AASDH: variants seen among roughly 807,000 people sequenced by gnomAD.
The protein encoded by AASDH is aminoadipate-semialdehyde dehydrogenase, also known as beta-alanine-activating enzyme.
In AASDH, 81 loss-of-function variants were observed where a neutral mutation model predicts 102.3. The observed-to-expected ratio is 0.79, with a 90% CI of 0.66 to 0.95. The LOEUF is 0.95. Among genes scored for constraint, AASDH ranks in the 40% least tolerant of loss-of-function variants. The pLI, the probability that AASDH is intolerant of heterozygous loss-of-function variation, is 0.00. For missense variants in AASDH, 1,203 were observed against 1,266.2 expected (o/e 0.95, Z 0.76); for synonymous variants, 398 against 454.0 (o/e 0.88, Z 1.57).
In AASDH at chr4:56,354,161, C is replaced by A; in HGVS notation, c.1261G>T (p.Gly421Cys). The change falls in exon 8 of 15, where the codon GGC becomes TGC. Residue 421 changes from glycine to cysteine, a missense_variant. Transcript: ENST00000205214. The part of the protein sequence containing the change: ...FLDDEVTVPL[G>C]TMRATGDFVT... The stretch of plus-strand genomic sequence containing the variant: ...AAGTCTCCTGTAGCTCGCATTGTGC[C>A]AAGTGGTACTGTCACTTCATCATCA... 1 of 1,610,480 alleles carries A rather than the reference C, an allele frequency of 6.2e-7. No individual in the cohort carries two copies.
At chr4:56,344,083 TTCTC>T (rs1009109254) in intron 12 of AASDH, among the ~76,000 whole-genome samples, 5 of 152,174 alleles carry the variant, frequency 3.3e-5, no homozygotes, top group East Asian at 1.9e-4. Context: ...CATAAATAAT[TTCTC>T]TCTCTACCTT....
chr4:56,354,177 T>C lies in AASDH; in HGVS notation c.1245A>G (p.Glu415=). ...GRNRVCFLDD[E]VTVPLGTMRA... ...GCATTGTGCCAAGTGGTACTGTCACTTCATCATCAAGAAAACACACTCTGT... is the reference window on the plus strand; with the variant it reads ...GCATTGTGCCAAGTGGTACTGTCACCTCATCATCAAGAAAACACACTCTGT... The change falls in exon 8 of 15, where the codon GAA becomes GAG. Residue 415 remains glutamate (E), a synonymous_variant. Coordinates refer to ENST00000205214, the MANE Select transcript of AASDH (RefSeq NM_181806.4). 1 of 1,596,332 alleles carries C rather than the reference T, an allele frequency of 6.3e-7. No individual in the cohort carries two copies.
At position 56,338,724 on chromosome 4, in the gene AASDH, A is replaced by AT. The variant is rs1373450456; in HGVS notation, c.2974dup (p.Ile992AsnfsTer7). 1 of 1,614,176 alleles carries AT rather than the reference A, an allele frequency of 6.2e-7. No homozygotes were observed. The highest frequency in any genetic ancestry group is 1.1e-5 in the South Asian group (1 of 91,082). ...AAAGCAATCATGGGAACCAAAAAATATTTTTTGCTCTGATGGTGAGGTACA... is the reference window on the plus strand; with the variant it reads ...AAAGCAATCATGGGAACCAAAAAATATTTTTTTGCTCTGATGGTGAGGTACA... On this transcript the variant is annotated frameshift_variant, in exon 15 of 15. Transcript: ENST00000205214. LOFTEE classifies it low-confidence loss of function (END_TRUNC).
rs182014329 is a variant in AASDH at position 56,378,833 on chromosome 4, G to T, written c.352-369C>A. 1.2e-3 allele frequency among the ~76,000 whole-genome samples: 173 copies of T among 148,254 alleles called. 1 individual carries two copies. Among genetic ancestry groups the T allele is most frequent in the African/African-American group, 4.0e-3 (162 of 40,230 alleles). ...TTCTTTTTTTTTTTCTTGAGACAGGGTCTCACTCTGTTGCCCAGGCTGGAG... is the reference window on the plus strand; with the variant it reads ...TTCTTTTTTTTTTTCTTGAGACAGGTTCTCACTCTGTTGCCCAGGCTGGAG... On this transcript the variant is annotated intron_variant, in intron 3 of 14. Transcript: ENST00000205214.
rs944080207 is a variant in AASDH at position 56,342,935 on chromosome 4, C to G, written c.2807G>C (p.Cys936Ser). 1.3e-6 allele frequency: 2 copies of G among 1,592,076 alleles called. No individual in the cohort carries two copies. Among genetic ancestry groups the G allele is most frequent in the African/African-American group, 1.3e-5 (1 of 74,198 alleles). The change falls in exon 14 of 15, where the codon TGT becomes TCT. Residue 936 changes from cysteine (C) to serine (S), a missense_variant. Cys to Ser is a moderately radical substitution (Grantham distance 112). Transcript: ENST00000205214. ...ATGNVIWKHSCGKPLFSSPQC... is the reference protein window; with the variant it reads ...ATGNVIWKHSSGKPLFSSPQC... ...TGGGGAAGAGAAGAGTGGTTTTCCACAGGAATGTTTCCAAATAACGTTCCC... is the reference window on the plus strand; with the variant it reads ...TGGGGAAGAGAAGAGTGGTTTTCCAGAGGAATGTTTCCAAATAACGTTCCC...
At chr4:56,350,663 T>G (rs1378151311) in intron 10 of AASDH, among the ~76,000 whole-genome samples, 1 of 152,044 alleles carries the variant, frequency 6.6e-6, no homozygotes, top group Admixed American at 6.6e-5. Flanking sequence ...TTATTAATTA[T>G]AAAGCCCACA....
intron 2 of AASDH, 131 bp downstream of exon 2, chr4:56,383,939 A>C (rs1215074534): frequency 3.0e-5 from 18 of 605,954 alleles, no homozygotes; most frequent in Non-Finnish European, 5.0e-5. Context: ...AAACTTCTTT[A>C]GTCTCTCTAC....
intron 5 of AASDH, among the ~76,000 whole-genome samples, chr4:56,368,550 T>C (rs1193232718): frequency 2.0e-5 from 3 of 151,906 alleles, no homozygotes; most frequent in South Asian, 2.1e-4. Flanking sequence ...TAAAAAATGA[T>C]GAGTTCATGT....
rs1747113773 is a variant in AASDH at position 56,338,382 on chromosome 4, C to CAAAT, written c.*16_*19dup. ...TTTCAAATATCTCACATTTGTTATA[C>CAAAT]AAATAAGGACTGTATTTGATTATTT... On this transcript the variant is annotated 3_prime_UTR_variant, in exon 15 of 15. Transcript: ENST00000205214. 1 of 1,599,452 alleles carries CAAAT rather than the reference C, an allele frequency of 6.3e-7. No homozygotes were observed. Among genetic ancestry groups the CAAAT allele is most frequent in the Non-Finnish European group, 8.5e-7 (1 of 1,173,468 alleles).
chr4:56,344,540 A>C (rs1011443818), intron 12 of AASDH, among the ~76,000 whole-genome samples: 7 of 152,110 alleles, frequency 4.6e-5, no homozygotes, highest in African/African-American at 1.7e-4. Flanking sequence ...TATAAATATA[A>C]ATGAATTTCC....
Position 56,386,799 on chromosome 4 carries a change from C to CAAAAAAA in AASDH, c.-43+556_-43+562dup, listed in dbSNP as rs386400124. On this transcript the variant is annotated intron_variant, in intron 1 of 14. Coordinates refer to ENST00000205214, the MANE Select transcript of AASDH (RefSeq NM_181806.4). ...TGGGCGACAGAGCGAGACTCCGTCT[C>CAAAAAAA]AAAAAAAAAAAAAAAAAAAAAAAGG... Among the ~76,000 whole-genome samples the CAAAAAAA allele has an allele frequency of 1.9e-3, 92 of 48,800 alleles. 1 individual carries two copies. Among genetic ancestry groups the CAAAAAAA allele is most frequent in the East Asian group, 8.3e-3 (11 of 1,324 alleles). 32.0% of individuals were successfully genotyped at this position (48,800 alleles called of 152,430 possible). A position where few individuals can be genotyped will look rare whatever the true frequency, so the allele number is the denominator to read the frequency against.
Position 56,354,811 on chromosome 4 carries a change from T to A in AASDH, c.1104A>T (p.Lys368Asn), listed in dbSNP as rs144290821. ...ATCCCAGTTGTACAGGCAATTCACA[T>A]CTATGAAAATAAGATACAGAGCAGA... is the stretch of plus-strand genomic sequence containing the variant. Reference protein sequence around the residue: ...IPEKTLNSTLKCELPVQLGFP... With the variant: ...IPEKTLNSTLNCELPVQLGFP... Residue 368 changes from lysine (K) to asparagine (N), a missense_variant and splice_region_variant, in exon 7 of 15, where the codon AAA becomes AAT. By Grantham distance (94) the Lys-to-Asn change is moderately conservative. Coordinates refer to ENST00000205214, the MANE Select transcript of AASDH (RefSeq NM_181806.4). The A allele has an allele frequency of 5.6e-5, 89 of 1,591,832 alleles. 1 individual carries two copies. The highest frequency in any genetic ancestry group is 3.3e-4 in the Admixed American group (18 of 55,362).
intron 5 of AASDH, among the ~76,000 whole-genome samples, chr4:56,366,026 G>A (rs1005811011): frequency 6.6e-6 from 1 of 152,070 alleles, no homozygotes; most frequent in African/African-American, 2.4e-5. Flanking sequence ...AATAAAAAAT[G>A]ACAAAGGGGA....
chr4:56,374,541 C>G (rs1752136455), intron 4 of AASDH, among the ~76,000 whole-genome samples: 2 of 152,140 alleles, frequency 1.3e-5, no homozygotes, highest in African/African-American at 4.8e-5. Context: ...AGAAAGACCA[C>G]TGCACCTGCA....
chr4:56,354,076 C>T lies in AASDH; in HGVS notation c.1346G>A (p.Arg449His), dbSNP rs936980168. ...FLGRKDSQIK[R>H]HGKRLNIELV... is the part of the protein sequence containing the mutation. ...TTCAATGTTAAGACGTTTGCCATGA[C>T]GTTTGATCTGACTGTCTTTTCGTCC... Residue 449 changes from arginine to histidine, a missense_variant, in exon 8 of 15, where the codon CGT becomes CAT. Transcript: ENST00000205214. 9.3e-6 allele frequency: 15 copies of T among 1,612,632 alleles called. No homozygotes were observed. Among genetic ancestry groups the T allele is most frequent in the South Asian group, 5.5e-5 (5 of 90,848 alleles).
intron 5 of AASDH, among the ~76,000 whole-genome samples, chr4:56,366,589 C>A (rs1381736314): frequency 6.6e-6 from 1 of 152,100 alleles, no homozygotes; most frequent in Non-Finnish European, 1.5e-5. Flanking sequence ...TAAACATAAT[C>A]CAGCATATAA....
At chr4:56,366,299 G>C (rs554078955) in intron 5 of AASDH, among the ~76,000 whole-genome samples, 19 of 152,294 alleles carry the variant, frequency 1.2e-4, no homozygotes, top group African/African-American at 4.3e-4. Flanking sequence ...GTACAAGGAG[G>C]AGCTGGTACC....
intron 9 of AASDH, 104 bp downstream of exon 9, chr4:56,353,300 C>T: frequency 1.1e-6 from 1 of 940,124 alleles, no homozygotes; most frequent in East Asian, 2.7e-5. Context: ...ACAATAAATG[C>T]TAGTACCATT....
intron 5 of AASDH, among the ~76,000 whole-genome samples, chr4:56,365,255 C>T (rs1750845948): frequency 6.6e-6 from 1 of 151,918 alleles, no homozygotes; most frequent in Admixed American, 6.6e-5. Flanking sequence ...CTTAGACTCC[C>T]ACACAATAAT....
Sources: allele counts gnomAD v4.1 joint callset (sites outside exome capture counted in the v4.1 genomes callset), GRCh38; gene constraint gnomAD v4.1.1; transcripts MANE v1.5; gene names NCBI Gene and HGNC (gene_info 2026-07-23, HGNC 2026-07-21).